The following IMPDH1 variants were observed in gnomAD, a reference collection of about 807,000 sequenced individuals.
The protein encoded by IMPDH1 is inosine-5'-monophosphate dehydrogenase 1.
IMPDH1 carries 41 observed loss-of-function variants against 73.5 expected under a neutral mutation model. That is an observed-to-expected ratio of 0.56 (90% CI 0.43 to 0.72). The LOEUF (loss-of-function observed/expected upper bound fraction) is 0.72, where lower values mean the gene tolerates loss of function less well. Ranked by LOEUF, IMPDH1 falls within the 30% of genes least tolerant of loss-of-function variation. IMPDH1 has a pLI of 0.00. For missense variants in IMPDH1, 645 were observed against 824.8 expected (o/e 0.78, Z 2.67); for synonymous variants, 318 against 334.3 (o/e 0.95, Z 0.53).
chr7:128,397,037 G>T lies in IMPDH1; in HGVS notation c.1075-15C>A. 1.9e-6 allele frequency: 3 copies of T among 1,591,026 alleles called. No individual in the cohort carries two copies. Among genetic ancestry groups the T allele is most frequent in the Non-Finnish European group, 2.6e-6 (3 of 1,158,916 alleles). On this transcript the variant is annotated splice_polypyrimidine_tract_variant and intron_variant, in intron 10 of 16. Coordinates refer to ENST00000338791, the MANE Select transcript of IMPDH1 (RefSeq NM_000883.4). ...TGGGACGAGTCCTGTGAGAAAGGAC[G>T]GAAGAGCTTGGGCTTAGACAGCTGA...
intron 4 of IMPDH1, 106 bp from the exon 5 acceptor site, chr7:128,403,860 G>A: frequency 1.0e-6 from 1 of 967,722 alleles, no homozygotes; most frequent in Non-Finnish European, 1.7e-6. Context: ...AAGCCTAGAG[G>A]AGCAGAGGCT....
rs375914533 is a variant in IMPDH1 at position 128,396,635 on chromosome 7, C to T, written c.1226G>A (p.Gly409Asp). 1.2e-4 allele frequency: 194 copies of T among 1,555,402 alleles called. 1 individual carries two copies. The highest frequency in any genetic ancestry group is 9.7e-5 in the Admixed American group (5 of 51,764). ...IDAGVDGLRVGMGCGSICITQ... is the reference protein window; with the variant it reads ...IDAGVDGLRVDMGCGSICITQ... Reference sequence around the variant, plus strand: ...GATGCAGATGGAGCCGCAGCCCATGCCCACGCGCAGCCCGTCCACACCAGC... The same window carrying T: ...GATGCAGATGGAGCCGCAGCCCATGTCCACGCGCAGCCCGTCCACACCAGC... Residue 409 changes from glycine to aspartate, a missense_variant, in exon 12 of 17, where the codon GGC (glycine) becomes GAC (aspartate). By Grantham distance (94) the Gly-to-Asp change is moderately conservative. Transcript: ENST00000338791. This position sits in a 1 kb window ranked among gnomAD's most constrained non-coding sequence, Gnocchi z 4.0.
At chr7:128,409,156 T>G in intron 3 of IMPDH1, 133 bp downstream of exon 3, 1 of 809,680 alleles carries the variant, frequency 1.2e-6, no homozygotes, top group Non-Finnish European at 2.1e-6. Context: ...ACTACCCTAC[T>G]CTTCCTCCAG....
chr7:128,409,580 C>G (rs938249813), intron 1 of IMPDH1, 96 bp from the exon 2 acceptor site: 4 of 1,534,602 alleles, frequency 2.6e-6, no homozygotes, highest in South Asian at 1.1e-5. Flanking sequence ...CCGTCTGCAT[C>G]CCCCAACCAA....
intron 3 of IMPDH1, among the ~76,000 whole-genome samples, chr7:128,406,657 C>A (rs1387943708): frequency 6.6e-6 from 1 of 152,150 alleles, no homozygotes; most frequent in Non-Finnish European, 1.5e-5. Flanking sequence ...ATTGGGTACC[C>A]ATTCCCTTGA....
chr7:128,400,710 G>A (rs1798270904), intron 7 of IMPDH1, 107 bp downstream of exon 7: 1 of 1,183,740 alleles, frequency 8.4e-7, no homozygotes, highest in Non-Finnish European at 1.3e-6. Context: ...CTGAGAGGAA[G>A]GACACGCAGG....
Position 128,405,783 on chromosome 7 carries a change from C to T in IMPDH1, c.337G>A (p.Asp113Asn). The stretch of plus-strand genomic sequence containing the variant: ...GGCGCTTACTTGTAGGTGAGGCCGT[C>T]GGCGCTGGCGAAGAGCTGCTGCGCG... ...LTAQQLFASA[D>N]GLTYNDFLIL... The change falls in exon 4 of 17, where the codon GAC becomes AAC. Residue 113 changes from aspartate (D) to asparagine (N), a missense_variant. By Grantham distance (23) the Asp-to-Asn change is conservative. Transcript: ENST00000338791. The T allele has an allele frequency of 6.5e-7, 1 of 1,538,934 alleles. No individual in the cohort carries two copies. Among genetic ancestry groups the T allele is most frequent in the Admixed American group, 2.0e-5 (1 of 50,488 alleles).
rs1272973843 is a variant in IMPDH1 at position 128,398,229 on chromosome 7, C to T, written c.1074+185G>A. 2.6e-5 allele frequency among the ~76,000 whole-genome samples: 4 copies of T among 152,166 alleles called. No homozygotes were observed. The highest frequency in any genetic ancestry group is 5.9e-5 in the Non-Finnish European group (4 of 68,038). ...GATCCTAGCTCACTGTGACCTTGAA[C>T]CTCTGAGCTCAGGCAATCCTGCTGC... On this transcript the variant is annotated intron_variant, in intron 10 of 16. Transcript: ENST00000338791. The surrounding 1 kb of genome is among the most constrained non-coding windows in gnomAD (Gnocchi z 4.3).
In IMPDH1 at chr7:128,396,670, G is replaced by A; in HGVS notation, c.1191C>T (p.Asn397=). The A allele has an allele frequency of 6.4e-7, 1 of 1,554,720 alleles. No individual in the cohort carries two copies. Among genetic ancestry groups the A allele is most frequent in the Non-Finnish European group, 8.7e-7 (1 of 1,148,438 alleles). Reference sequence around the variant, plus strand: ...GCCCGTCCACACCAGCATCAATCAGGTTCTTGGCCTGGGCTGCTGTCACCA... The same window carrying A: ...GCCCGTCCACACCAGCATCAATCAGATTCTTGGCCTGGGCTGCTGTCACCA... ...GNVVTAAQAK[N]LIDAGVDGLR... is the part of the protein sequence containing the mutation. Residue 397 remains asparagine (N), a synonymous_variant, in exon 12 of 17, where the codon AAC becomes AAT. Coordinates refer to ENST00000338791, the MANE Select transcript of IMPDH1 (RefSeq NM_000883.4). This position sits in a 1 kb window ranked among gnomAD's most constrained non-coding sequence, Gnocchi z 4.0.
In IMPDH1 at chr7:128,409,760, C is replaced by A; in HGVS notation, c.142G>T (p.Glu48Ter). 2.0e-6 allele frequency: 3 copies of A among 1,523,170 alleles called. No individual in the cohort carries two copies. Among genetic ancestry groups the A allele is most frequent in the Non-Finnish European group, 2.6e-6 (3 of 1,141,526 alleles). The allele number at this position is 1,523,170 out of a possible 1,614,324, so 94.4% of individuals were successfully genotyped here. A position where few individuals can be genotyped will look rare whatever the true frequency, so the allele number is the denominator to read the frequency against. Reference sequence around the variant, plus strand: ...GCGCTCTGCCCTGGGCGTCACCTCTCGGGCTCGTAGCCGGCCTGCAGCAGT... The same window carrying A: ...GCGCTCTGCCCTGGGCGTCACCTCTAGGGCTCGTAGCCGGCCTGCAGCAGT... ...ARLLQAGYEPESPRLDLATHP... is the reference protein window; with the variant it reads ...ARLLQAGYEP The change falls in exon 1 of 17, where the codon GAG becomes TAG. Residue 48 changes from glutamate to a stop codon, truncating the protein, a stop_gained. Coordinates refer to ENST00000338791, the MANE Select transcript of IMPDH1 (RefSeq NM_000883.4). LOFTEE classifies it high-confidence loss of function.
intron 7 of IMPDH1, 58 bp downstream of exon 7, chr7:128,400,759 G>A (rs1798274981): frequency 1.4e-6 from 2 of 1,443,314 alleles, no homozygotes; most frequent in Admixed American, 1.7e-5. Flanking sequence ...AGGCTGGGAG[G>A]GCCTCTGAGG....
intron 1 of IMPDH1, 121 bp downstream of exon 1, chr7:128,409,635 A>G (rs2116751564): frequency 6.6e-7 from 1 of 1,511,342 alleles, no homozygotes; most frequent in Admixed American, 1.8e-5. Context: ...TGAGGCGGTA[A>G]TAGGGGAAGG....
chr7:128,402,051 C>G (rs1278500748), intron 5 of IMPDH1, among the ~76,000 whole-genome samples: 1 of 152,150 alleles, frequency 6.6e-6, no homozygotes, highest in East Asian at 1.9e-4. Flanking sequence ...AGGGCCACAG[C>G]CTTCCTGACA....
intron 4 of IMPDH1, 59 bp downstream of exon 4, chr7:128,405,708 G>A (rs1363767543): frequency 6.6e-7 from 1 of 1,505,462 alleles, no homozygotes; most frequent in Non-Finnish European, 8.9e-7. Flanking sequence ...GTGCAGGGCC[G>A]GCCCGGGGGT....
At chr7:128,397,813 C>T (rs1258495486) in intron 10 of IMPDH1, among the ~76,000 whole-genome samples, 1 of 152,090 alleles carries the variant, frequency 6.6e-6, no homozygotes, top group Non-Finnish European at 1.5e-5. Flanking sequence ...GAGAATTGGG[C>T]TTCAAGTGTA....
rs540594980 is a variant in IMPDH1 at position 128,394,347 on chromosome 7, G to A, written c.1709C>T (p.Ser570Leu). The change falls in exon 16 of 17, where the codon TCA (serine) becomes TTA (leucine). Residue 570 changes from serine to leucine, a missense_variant. Physicochemically the swap from Ser to Leu is moderately radical, Grantham distance 145. Transcript: ENST00000338791. This position sits in a 1 kb window ranked among gnomAD's most constrained non-coding sequence, Gnocchi z 5.5. ...CCGCTTCTCAAACTTGAGCTCTCCT[G>A]AGTACATCATGGACCTAGGAGGAAG... ...SLSVLRSMMY[S>L]GELKFEKRTM... 1 of 1,613,940 alleles carries A rather than the reference G, an allele frequency of 6.2e-7. No individual in the cohort carries two copies. Among genetic ancestry groups the A allele is most frequent in the African/African-American group, 1.3e-5 (1 of 75,024 alleles).
intron 5 of IMPDH1, 85 bp from the exon 6 acceptor site, chr7:128,401,201 G>A: frequency 1.0e-6 from 1 of 964,870 alleles, no homozygotes; most frequent in Non-Finnish European, 1.6e-6. Flanking sequence ...CCGGCACCAG[G>A]ACAGGCCCTG....
chr7:128,409,886 T>G lies in IMPDH1; in HGVS notation c.16A>C (p.Thr6Pro), dbSNP rs1460143632. The G allele has an allele frequency of 6.9e-7, 1 of 1,447,646 alleles. No homozygotes were observed. Among genetic ancestry groups the G allele is most frequent in the Non-Finnish European group, 9.1e-7 (1 of 1,104,404 alleles). The allele number at this position is 1,447,646 out of a possible 1,614,324, so 89.7% of individuals were successfully genotyped here. Residue 6 changes from threonine to proline, a missense_variant, in exon 1 of 17, where the codon ACT (threonine) becomes CCT (proline). Around this residue, in one of 2 missense-constraint regions of IMPDH1, gnomAD observed 186 missense variants for 186.6 expected, o/e 1.00. Coordinates refer to ENST00000338791, the MANE Select transcript of IMPDH1 (RefSeq NM_000883.4). ...CCGCCTCCCTGCAGCGGTGGTGGAG[T>G]GAGTGGCCCCTCCATGCGGAGGCCG... MEGPL[T>P]PPPLQGGGAA...
intron 3 of IMPDH1, among the ~76,000 whole-genome samples, chr7:128,406,208 G>A (rs1430260463): frequency 1.3e-5 from 2 of 149,916 alleles, no homozygotes; most frequent in Admixed American, 6.6e-5. Flanking sequence ...CTGCGGGGGA[G>A]AGTACCGGGT....
Sources: allele counts gnomAD v4.1 joint callset (sites outside exome capture counted in the v4.1 genomes callset), GRCh38; gene constraint gnomAD v4.1.1; regional missense constraint gnomAD v4.1.1; non-coding constraint Gnocchi (gnomAD v3.1); transcripts MANE v1.5; gene names NCBI Gene and HGNC (gene_info 2026-07-23, HGNC 2026-07-21).